COL4A4: variants seen among roughly 807,000 people sequenced by gnomAD.
COL4A4 encodes the protein collagen type IV alpha 4 chain, also known as collagen alpha-4(IV) chain.
A neutral mutation model predicts 192.9 loss-of-function variants in COL4A4; 105 were observed. The observed-to-expected ratio is 0.54, with a 90% CI of 0.46 to 0.64. The LOEUF (loss-of-function observed/expected upper bound fraction) is 0.64. COL4A4 is among the 30% of genes least tolerant of loss of function. The pLI is 0.00. For synonymous variants in COL4A4, 762 were observed against 769.9 expected, an observed-to-expected ratio of 0.99 and a Z score of 0.17; for missense variants, 1,967 against 2,169.3, an observed-to-expected ratio of 0.91 and a Z score of 1.85.
chr2:227,049,439 T>TA (rs1489235579), intron 34 of COL4A4, among the ~76,000 whole-genome samples: 8 of 152,246 alleles, frequency 5.3e-5, no homozygotes, highest in African/African-American at 1.9e-4. Flanking sequence ...GCTTTCACAC[T>TA]ATAACAACAC....
At chr2:227,109,720 C>A (rs1281378227) in intron 9 of COL4A4, among the ~76,000 whole-genome samples, 1 of 150,990 alleles carries the variant, frequency 6.6e-6, no homozygotes, top group Admixed American at 6.6e-5. Flanking sequence ...GCACTCCAGC[C>A]TGGCGAAAGA....
the COL4A4 span, among the ~76,000 whole-genome samples, chr2:226,968,494 C>A: frequency 2.0e-5 from 3 of 152,206 alleles, no homozygotes; most frequent in Non-Finnish European, 2.9e-5. Flanking sequence ...CTAAAATAAT[C>A]TCCCTTAAAG....
At chr2:227,153,487 A>C (rs1292311191) in intron 1 of COL4A4, among the ~76,000 whole-genome samples, 1 of 152,126 alleles carries the variant, frequency 6.6e-6, no homozygotes, top group Non-Finnish European at 1.5e-5. Context: ...CTATCACCTG[A>C]TTTTGTCTCC....
intron 9 of COL4A4, 119 bp from the exon 10 acceptor site, chr2:227,109,405 A>G (rs754506661): frequency 9.6e-6 from 8 of 829,644 alleles, no homozygotes; most frequent in Non-Finnish European, 1.1e-5. Context: ...CCACCAGCAC[A>G]TCTGCCCTGC....
chr2:227,112,655 A>G (rs1449800663), intron 8 of COL4A4, among the ~76,000 whole-genome samples: 1 of 152,152 alleles, frequency 6.6e-6, no homozygotes, highest in African/African-American at 2.4e-5. Context: ...TTCACCCATG[A>G]CCACCATCCA....
At chr2:226,977,804 T>G in the COL4A4 span, among the ~76,000 whole-genome samples, 5 of 152,250 alleles carry the variant, frequency 3.3e-5, no homozygotes, top group Non-Finnish European at 5.9e-5. Context: ...TGGCCTATTG[T>G]TCTAAGTCTT....
chr2:226,988,485 T>A, the COL4A4 span: 1 of 1,542,528 alleles, frequency 6.5e-7, no homozygotes, highest in South Asian at 1.2e-5. Flanking sequence ...GTAGTGGAGT[T>A]GAGCAAAGAC....
intron 7 of COL4A4, among the ~76,000 whole-genome samples, chr2:227,115,086 T>C (rs2124932743): frequency 6.6e-6 from 1 of 152,226 alleles, no homozygotes; most frequent in East Asian, 1.9e-4. Flanking sequence ...TCCATTTCAG[T>C]ACTTGTATTC....
chr2:227,009,707 AAAAG>A (rs1559399871), intron 46 of COL4A4, among the ~76,000 whole-genome samples: 2 of 137,020 alleles, frequency 1.5e-5, no homozygotes, highest in Non-Finnish European at 3.0e-5. Context: ...CAAAAAAAAA[AAAAG>A]AGGAAAAGAG....
chr2:226,990,873 A>C, the COL4A4 span, among the ~76,000 whole-genome samples: 1 of 152,142 alleles, frequency 6.6e-6, no homozygotes, highest in East Asian at 1.9e-4. Context: ...AAGGCTCATA[A>C]ATACTCATAT....
At chr2:227,071,742 G>A (rs2058736554) in intron 25 of COL4A4, among the ~76,000 whole-genome samples, 2 of 151,866 alleles carry the variant, frequency 1.3e-5, no homozygotes, top group Admixed American at 1.3e-4. Context: ...AACTCCAAAA[G>A]GAACCCTCAA....
chr2:227,033,819 A>G (rs1968943059), intron 37 of COL4A4, among the ~76,000 whole-genome samples: 1 of 152,206 alleles, frequency 6.6e-6, no homozygotes, highest in Non-Finnish European at 1.5e-5. Flanking sequence ...AAATCACCCT[A>G]CATGAGGAAA....
intron 40 of COL4A4, among the ~76,000 whole-genome samples, chr2:227,030,917 G>GATGA (rs1401538370): frequency 1.8e-4 from 5 of 27,730 alleles, no homozygotes; most frequent in Admixed American, 1.3e-3. Flanking sequence ...GCTTTAATAA[G>GATGA]ATGGATGGAT....
At chr2:227,087,814 C>A (rs1302219891) in intron 22 of COL4A4, among the ~76,000 whole-genome samples, 1 of 152,200 alleles carries the variant, frequency 6.6e-6, no homozygotes, top group Admixed American at 6.5e-5. Flanking sequence ...AGGCTCAGAC[C>A]TCACCCATCT....
At chr2:227,065,841 G>C (rs978047680) in intron 25 of COL4A4, among the ~76,000 whole-genome samples, 1 of 152,260 alleles carries the variant, frequency 6.6e-6, no homozygotes, top group Admixed American at 6.5e-5. Context: ...AAGGAACGAA[G>C]TTCCTCGCCA....
chr2:227,159,977 G>A (rs911581740), intron 1 of COL4A4, among the ~76,000 whole-genome samples: 1 of 152,184 alleles, frequency 6.6e-6, no homozygotes, highest in Non-Finnish European at 1.5e-5. Flanking sequence ...TCTGGACAAA[G>A]GTGTTCACAG....
chr2:227,073,048 C>T (rs1469502966), intron 25 of COL4A4, among the ~76,000 whole-genome samples: 3 of 151,858 alleles, frequency 2.0e-5, no homozygotes, highest in African/African-American at 7.2e-5. Context: ...CTAGCCAGAG[C>T]AATTAGGTAA....
At position 227,147,410 on chromosome 2, in the gene COL4A4, C is replaced by A. The variant is rs750205384; in HGVS notation, c.71+3G>T. On this transcript the variant is annotated splice_donor_region_variant and intron_variant, in intron 2 of 47. Coordinates refer to ENST00000396625, the MANE Select transcript of COL4A4 (RefSeq NM_000092.5). ...AGCAGGCAATCACACTGAGGATACTCACCAGGGACCTGTGGCCAAGGACTT... is the reference window on the plus strand; with the variant it reads ...AGCAGGCAATCACACTGAGGATACTAACCAGGGACCTGTGGCCAAGGACTT... 11 of 1,613,158 alleles carry A rather than the reference C, an allele frequency of 6.8e-6. No individual in the cohort carries two copies. The South Asian group carries it at 1.2e-4, about 18-fold the overall frequency.
rs2059124118 is a variant in COL4A4 at position 227,077,981 on chromosome 2, A to C, written c.1900T>G (p.Phe634Val). The change falls in exon 25 of 48, where the codon TTT (phenylalanine) becomes GTT (valine). Residue 634 changes from phenylalanine to valine, a missense_variant. Phe to Val is a conservative substitution (Grantham distance 50). Transcript: ENST00000396625. ...AGPVGPPGLGFPGPPGERGHP... is the reference protein window; with the variant it reads ...AGPVGPPGLGVPGPPGERGHP... ...CCTCGCTCTCCTGGTGGACCAGGAA[A>C]TCCCAGTCCTGGGGGCCCCACAGGT... 6.2e-7 allele frequency: 1 copy of C among 1,613,796 alleles called. No individual in the cohort carries two copies. Among genetic ancestry groups the C allele is most frequent in the Non-Finnish European group, 8.5e-7 (1 of 1,179,990 alleles).
Sources: gnomAD v4.1 joint callset for allele counts (sites outside exome capture counted in the v4.1 genomes callset) on GRCh38, gnomAD v4.1.1 for gene constraint, MANE v1.5 for transcripts, NCBI Gene and HGNC (gene_info 2026-07-23, HGNC 2026-07-21) for gene names.